Variants in HABP4 observed in about 807,000 individuals in gnomAD.
HABP4 encodes the protein intracellular hyaluronan-binding protein 4.
HABP4 carries 32 observed loss-of-function variants against 44.1 expected under a neutral mutation model. That is an observed-to-expected ratio of 0.73 (90% confidence interval 0.55 to 0.97). HABP4 has a LOEUF of 0.97. Ranked by LOEUF, HABP4 falls within the 50% of genes least tolerant of loss-of-function variation. The probability of loss-of-function intolerance (pLI) is 0.00; values close to 1 mark genes in which losing one functional copy is unlikely to be tolerated. For synonymous variants in HABP4, 216 were observed against 218.0 expected (o/e 0.99, Z 0.08); for missense variants, 503 against 561.9 (o/e 0.90, Z 1.06).
intron 1 of HABP4, among the ~76,000 whole-genome samples, chr9:96,456,774 AAAAAAAATATATATATATATAT>A (rs1373661000): frequency 5.7e-5 from 4 of 70,280 alleles, no homozygotes; most frequent in African/African-American, 1.9e-4. Flanking sequence ...AAAAAAAAAA[AAAAAAAATATATATATATATAT>A]ATATATATAT....
intron 5 of HABP4, among the ~76,000 whole-genome samples, chr9:96,474,906 C>G (rs555469762): frequency 5.3e-5 from 8 of 152,220 alleles, no homozygotes; most frequent in Admixed American, 4.6e-4. Context: ...ACACACAACC[C>G]AAAGTGCACT....
intron 4 of HABP4, 34 bp downstream of exon 4, chr9:96,465,812 C>T: frequency 8.9e-7 from 1 of 1,128,236 alleles, no homozygotes. Context: ...TGAGAACCTG[C>T]AATTAAGTGG....
chr9:96,454,447 TC>T (rs1289515338), intron 1 of HABP4, among the ~76,000 whole-genome samples: 1 of 150,088 alleles, frequency 6.7e-6, no homozygotes, highest in Non-Finnish European at 1.5e-5. Context: ...AGTTCTGAAC[TC>T]TTTTTTTTTT....
At position 96,488,654 on chromosome 9, in the gene HABP4, C is replaced by G. The variant is rs1450620096; in HGVS notation, c.1185+380C>G. On this transcript the variant is annotated intron_variant, in intron 7 of 7. Transcript: ENST00000375249. The surrounding 1 kb of genome is among the most constrained non-coding windows in gnomAD (Gnocchi z 4.6). ...GTGGACAGAATCCTCCCTAAGATCT[C>G]AAGCCCTTTGTGAGGGGACCTTCCT... Among the ~76,000 whole-genome samples the G allele has an allele frequency of 6.6e-6, 1 of 152,152 alleles. No individual in the cohort carries two copies. The highest frequency in any genetic ancestry group is 1.5e-5 in the Non-Finnish European group (1 of 68,030).
At chr9:96,459,560 A>C (rs931340322) in intron 2 of HABP4, among the ~76,000 whole-genome samples, 3 of 152,200 alleles carry the variant, frequency 2.0e-5, no homozygotes, top group African/African-American at 7.2e-5. Flanking sequence ...AGTGAATCAC[A>C]TTTCAAGGAA....
At chr9:96,477,598 CT>C (rs1310111772) in intron 5 of HABP4, among the ~76,000 whole-genome samples, 1 of 151,990 alleles carries the variant, frequency 6.6e-6, no homozygotes, top group Non-Finnish European at 1.5e-5. Flanking sequence ...TTCAGTTTCC[CT>C]GATTGTCTTC....
At chr9:96,459,802 G>A (rs1832468371) in intron 2 of HABP4, among the ~76,000 whole-genome samples, 1 of 152,188 alleles carries the variant, frequency 6.6e-6, no homozygotes, top group South Asian at 2.1e-4. Context: ...GGGCTGAGCA[G>A]GTGATGACTC....
At chr9:96,486,922 C>T (rs71499955) in intron 6 of HABP4, among the ~76,000 whole-genome samples, 10,677 of 152,034 alleles carry the variant, frequency 0.07, 723 homozygotes, top group African/African-American at 0.16. Context: ...GGAGGCGACT[C>T]AGAGCAGGGA....
intron 5 of HABP4, among the ~76,000 whole-genome samples, chr9:96,475,390 CAAAAA>C (rs61553823): frequency 1.1e-5 from 1 of 94,154 alleles, no homozygotes; most frequent in East Asian, 3.2e-4. Flanking sequence ...ACAACAACAA[CAAAAA>C]AAAAAAAAAA....
chr9:96,470,499 G>A (rs1470174567), intron 4 of HABP4, among the ~76,000 whole-genome samples: 2 of 152,124 alleles, frequency 1.3e-5, no homozygotes, highest in African/African-American at 4.8e-5. Context: ...AGTTTTTAAA[G>A]AATTGATTTC....
At chr9:96,487,131 A>G (rs908410074) in intron 6 of HABP4, among the ~76,000 whole-genome samples, 4 of 151,982 alleles carry the variant, frequency 2.6e-5, no homozygotes, top group Non-Finnish European at 5.9e-5. Flanking sequence ...CTCAAAGGGG[A>G]CACAAATGTT....
chr9:96,467,955 C>A (rs905760390), intron 4 of HABP4, among the ~76,000 whole-genome samples: 6 of 152,218 alleles, frequency 3.9e-5, no homozygotes, highest in Non-Finnish European at 5.9e-5. Flanking sequence ...CAGCCTTGGC[C>A]TTGTAATGTT....
chr9:96,458,941 A>G (rs1237039741), intron 2 of HABP4, among the ~76,000 whole-genome samples: 4 of 152,004 alleles, frequency 2.6e-5, no homozygotes, highest in African/African-American at 4.8e-5. Context: ...ACAACTTTCT[A>G]CTGGCTACTG....
chr9:96,480,291 G>A (rs1032253373), intron 5 of HABP4, among the ~76,000 whole-genome samples: 3 of 152,130 alleles, frequency 2.0e-5, no homozygotes, highest in Non-Finnish European at 4.4e-5. Flanking sequence ...ACTCTGGAAG[G>A]TGCTCCATAG....
At position 96,465,322 on chromosome 9, in the gene HABP4, T is replaced by C; in HGVS notation, c.513-15T>C. 1.3e-6 allele frequency: 2 copies of C among 1,576,080 alleles called. No individual in the cohort carries two copies. The highest frequency in any genetic ancestry group is 1.3e-5 in the African/African-American group (1 of 74,140). ...CTTTAATTTACCAGTTTTTATTATA[T>C]CCACTCCTTCCTAGACCAGGTGATA... On this transcript the variant is annotated splice_polypyrimidine_tract_variant and intron_variant, in intron 2 of 7. Coordinates refer to ENST00000375249, the MANE Select transcript of HABP4 (RefSeq NM_014282.4).
At chr9:96,457,017 A>T (rs926801889) in intron 1 of HABP4, among the ~76,000 whole-genome samples, 1 of 151,814 alleles carries the variant, frequency 6.6e-6, no homozygotes, top group Non-Finnish European at 1.5e-5. Flanking sequence ...CAAGTATTAG[A>T]TGGCTTCAAA....
At chr9:96,460,315 TACTA>T (rs1363478082) in intron 2 of HABP4, among the ~76,000 whole-genome samples, 8 of 152,244 alleles carry the variant, frequency 5.3e-5, no homozygotes, top group South Asian at 4.1e-4. Context: ...ACCCCCCACA[TACTA>T]ACTGTTTACC....
Position 96,458,500 on chromosome 9 carries a change from G to C in HABP4, c.471G>C (p.Glu157Asp), listed in dbSNP as rs1308734002. 2 of 1,613,678 alleles carry C rather than the reference G, an allele frequency of 1.2e-6. No homozygotes were observed. Among genetic ancestry groups the C allele is most frequent in the Admixed American group, 1.7e-5 (1 of 60,020 alleles). The change falls in exon 2 of 8, where the codon GAG (glutamate) becomes GAC (aspartate). Residue 157 changes from glutamate to aspartate, a missense_variant. Physicochemically the swap from Glu to Asp is conservative, Grantham distance 45. Transcript: ENST00000375249. Reference protein sequence around the residue: ...SYREYRPYETERQADFTAEKF... With the variant: ...SYREYRPYETDRQADFTAEKF... The stretch of plus-strand genomic sequence containing the variant: ...GGGAATACCGACCCTATGAGACAGA[G>C]AGGCAGGCAGACTTCACAGCTGAGA...
chr9:96,465,389 A>T lies in HABP4; in HGVS notation c.565A>T (p.Arg189Ter). The T allele has an allele frequency of 6.2e-7, 1 of 1,610,108 alleles. No homozygotes were observed. The highest frequency in any genetic ancestry group is 8.5e-7 in the Non-Finnish European group (1 of 1,176,374). The change falls in exon 3 of 8, where the codon AGA (arginine) becomes TGA (stop). Residue 189 changes from arginine to a stop codon, truncating the protein, a stop_gained. Coordinates refer to ENST00000375249, the MANE Select transcript of HABP4 (RefSeq NM_014282.4). LOFTEE classifies it high-confidence loss of function. ...DRPLRGRGGPRGGMRGRGRGG... is the reference protein window; with the variant it reads ...DRPLRGRGGP ...ACCGTTGAGAGGACGTGGAGGCCCG[A>T]GAGGGGGTATGCGCGGCAGAGGCAG...
Sources: allele counts gnomAD v4.1 joint callset (sites outside exome capture counted in the v4.1 genomes callset), GRCh38; gene constraint gnomAD v4.1.1; non-coding constraint Gnocchi (gnomAD v3.1); transcripts MANE v1.5; gene names NCBI Gene and HGNC (gene_info 2026-07-23, HGNC 2026-07-21).